GRIK2: variants seen among roughly 807,000 people sequenced by gnomAD.
GRIK2 encodes the protein glutamate ionotropic receptor kainate type subunit 2.
In GRIK2, 32 loss-of-function variants were observed where a neutral mutation model predicts 100.3. The observed-to-expected ratio is 0.32, with a 90% confidence interval of 0.24 to 0.43. The LOEUF (loss-of-function observed/expected upper bound fraction) is 0.43. Ranked by LOEUF, GRIK2 falls within the 20% of genes least tolerant of loss-of-function variation. The pLI is 1.00. For synonymous variants in GRIK2, 417 were observed against 389.4 expected (o/e 1.07, Z -0.83); for missense variants, 843 against 1,114.9 (o/e 0.76, Z 3.47).
chr6:102,062,189 A>G (rs1278187385), intron 16 of GRIK2, among the ~76,000 whole-genome samples: 1 of 150,546 alleles, frequency 6.6e-6, no homozygotes, highest in Non-Finnish European at 1.5e-5. Flanking sequence ...GATAATGTTT[A>G]TCATTGTGAA....
intron 7 of GRIK2, among the ~76,000 whole-genome samples, chr6:101,742,647 C>G (rs1255156874): frequency 1.3e-5 from 2 of 152,088 alleles, no homozygotes; most frequent in African/African-American, 2.4e-5. Flanking sequence ...TAAATTGAAA[C>G]ATTTTTTAGT....
At chr6:101,805,278 T>C (rs1179183601) in intron 9 of GRIK2, among the ~76,000 whole-genome samples, 1 of 150,694 alleles carries the variant, frequency 6.6e-6, no homozygotes, top group South Asian at 2.1e-4. Flanking sequence ...AACTTCATCC[T>C]GCCACCGAAC....
intron 7 of GRIK2, among the ~76,000 whole-genome samples, chr6:101,699,205 GCAGT>G (rs955315462): frequency 6.6e-6 from 1 of 152,082 alleles, no homozygotes; most frequent in African/African-American, 2.4e-5. Context: ...TGAAAATATG[GCAGT>G]CAAATGGTTA....
chr6:101,795,534 A>T (rs978236253), intron 7 of GRIK2, among the ~76,000 whole-genome samples: 1 of 152,178 alleles, frequency 6.6e-6, no homozygotes, highest in Non-Finnish European at 1.5e-5. Context: ...GCTTCGGTTC[A>T]GTAGTGGCAG....
chr6:101,615,769 A>T lies in GRIK2; in HGVS notation c.116-6180A>T, dbSNP rs1400954524. Among the ~76,000 whole-genome samples the T allele has an allele frequency of 2.6e-5, 4 of 151,880 alleles. No homozygotes were observed. In the East Asian group the frequency reaches 7.7e-4, roughly 29 times the overall value. On this transcript the variant is annotated intron_variant, in intron 2 of 16. Transcript: ENST00000369134. ...ACATCTTGTTTAAAATCATGTGAAC[A>T]ATTATCCTTTTGCAGGCTCATGAAC...
At chr6:101,538,016 A>C (rs1365330468) in intron 2 of GRIK2, among the ~76,000 whole-genome samples, 2 of 151,864 alleles carry the variant, frequency 1.3e-5, no homozygotes, top group East Asian at 3.9e-4. Flanking sequence ...ACTTATTGCC[A>C]TAGAAACAAG....
In GRIK2 at chr6:101,574,690, A is replaced by T. The variant is rs550072965; in HGVS notation, c.116-47259A>T. 2.0e-5 allele frequency among the ~76,000 whole-genome samples: 3 copies of T among 151,920 alleles called. No homozygotes were observed. In the East Asian group the frequency reaches 5.8e-4, roughly 29 times the overall value. On this transcript the variant is annotated intron_variant, in intron 2 of 16. Coordinates refer to ENST00000369134, the MANE Select transcript of GRIK2 (RefSeq NM_021956.5). Reference sequence around the variant, plus strand: ...TACAAAGCAGAATGCTACTCTAAGTATTATAAAACCTGTTTACTCGGATAT... The same window carrying T: ...TACAAAGCAGAATGCTACTCTAAGTTTTATAAAACCTGTTTACTCGGATAT...
chr6:101,684,599 T>TG (rs1306129670), intron 6 of GRIK2, among the ~76,000 whole-genome samples: 4 of 152,126 alleles, frequency 2.6e-5, no homozygotes, highest in Non-Finnish European at 5.9e-5. Context: ...GGTTCAAGGC[T>TG]GAGATCTCTA....
At chr6:101,673,440 C>G (rs966159608) in intron 4 of GRIK2, among the ~76,000 whole-genome samples, 1 of 152,136 alleles carries the variant, frequency 6.6e-6, no homozygotes, top group African/African-American at 2.4e-5. Context: ...CTTTTCACAG[C>G]TCTTAGGTTA....
chr6:101,918,508 G>T lies in GRIK2; in HGVS notation c.1749-6093G>T, dbSNP rs187022878. ...TCTAAATTATTTCTTTGCTCTAAAG[G>T]TCTAGAGTAAGAAATCTTTAAACAA... On this transcript the variant is annotated intron_variant, in intron 12 of 16. Transcript: ENST00000369134. Among the ~76,000 whole-genome samples, 287 of 151,654 alleles carry T rather than the reference G, an allele frequency of 1.9e-3. 1 individual carries two copies. The highest frequency in any genetic ancestry group is 3.2e-3 in the Non-Finnish European group (219 of 67,740).
intron 4 of GRIK2, among the ~76,000 whole-genome samples, chr6:101,650,268 A>T (rs1781723152): frequency 6.6e-6 from 1 of 152,134 alleles, no homozygotes; most frequent in African/African-American, 2.4e-5. Flanking sequence ...GACCAGAAAG[A>T]TATTTTCCAC....
chr6:101,666,680 A>G (rs1770055882), intron 4 of GRIK2, among the ~76,000 whole-genome samples: 1 of 152,256 alleles, frequency 6.6e-6, no homozygotes, highest in Non-Finnish European at 1.5e-5. Context: ...AAGTGAATTT[A>G]AAAGTCTAGA....
chr6:101,910,675 A>G (rs1217648039), intron 12 of GRIK2, among the ~76,000 whole-genome samples: 2 of 151,356 alleles, frequency 1.3e-5, no homozygotes. Context: ...TATTTTATAC[A>G]AATAAAATAA....
At chr6:101,779,685 G>C (rs1778964119) in intron 7 of GRIK2, among the ~76,000 whole-genome samples, 1 of 152,094 alleles carries the variant, frequency 6.6e-6, no homozygotes, top group African/African-American at 2.4e-5. Flanking sequence ...CTGTCTGGCT[G>C]GTACCTACCT....
intron 10 of GRIK2, among the ~76,000 whole-genome samples, chr6:101,836,661 A>ATTTTTTTTTTTTTTT (rs1194200766): frequency 1.7e-5 from 1 of 57,810 alleles, no homozygotes; most frequent in Non-Finnish European, 2.8e-5. Context: ...ATATATATAT[A>ATTTTTTTTTTTTTTT]TTTTTTTTTT....
Position 101,992,545 on chromosome 6 carries a change from G to A in GRIK2, c.2086-42796G>A, listed in dbSNP as rs1327164973. Among the ~76,000 whole-genome samples, 7 of 151,642 alleles carry A rather than the reference G, an allele frequency of 4.6e-5. No homozygotes were observed. The East Asian group carries it at 1.2e-3, about 25-fold the overall frequency. ...ATTAATCAGACTGTATGTGGGTGAG[G>A]GTCAAACCAACCGAGGTCAATAGAG... is the stretch of plus-strand genomic sequence containing the variant. On this transcript the variant is annotated intron_variant, in intron 14 of 16. Coordinates refer to ENST00000369134, the MANE Select transcript of GRIK2 (RefSeq NM_021956.5).
chr6:101,769,415 A>G (rs143949474), intron 7 of GRIK2, among the ~76,000 whole-genome samples: 11 of 152,280 alleles, frequency 7.2e-5, no homozygotes, highest in African/African-American at 2.6e-4. Flanking sequence ...TCAGGAATGC[A>G]GAGGAAGAGA....
chr6:101,502,511 A>C (rs1773812369), intron 2 of GRIK2, among the ~76,000 whole-genome samples: 1 of 152,182 alleles, frequency 6.6e-6, no homozygotes, highest in South Asian at 2.1e-4. Flanking sequence ...AAAATAAATG[A>C]TTTAGACAAG....
intron 14 of GRIK2, among the ~76,000 whole-genome samples, chr6:101,970,584 GTTC>G (rs71742735): frequency 0.016 from 2,470 of 152,018 alleles, 72 homozygotes; most frequent in African/African-American, 0.057. Context: ...TCATTGTCAT[GTTC>G]TTTAAAGAAG....
Sources: gnomAD v4.1 joint callset for allele counts (sites outside exome capture counted in the v4.1 genomes callset) on GRCh38, gnomAD v4.1.1 for gene constraint, MANE v1.5 for transcripts, NCBI Gene and HGNC (gene_info 2026-07-23, HGNC 2026-07-21) for gene names.